CLEC20A: variants seen among roughly 807,000 people sequenced by gnomAD.
CLEC20A encodes C-type lectin domain containing 20A, also known as putative C-type lectin domain family 20 member A.
intron 7 of CLEC20A, chr1:178,481,898 C>G (rs966477902): frequency 6.5e-6 from 1 of 154,844 alleles, no homozygotes; most frequent in African/African-American, 2.4e-5. Context: ...TGGAATATAT[C>G]ATTTAATCAT....
chr1:178,498,934 G>C (rs180956031), upstream of CLEC20A, among the ~76,000 whole-genome samples: 1 of 152,212 alleles, frequency 6.6e-6, no homozygotes, highest in Non-Finnish European at 1.5e-5. Flanking sequence ...CAATGGCCTC[G>C]GATAACTTCC....
At chr1:178,493,209 C>T (rs558630620) in intron 2 of CLEC20A, among the ~76,000 whole-genome samples, 49 of 152,216 alleles carry the variant, frequency 3.2e-4, no homozygotes, top group East Asian at 9.7e-4. Context: ...CAACGCCATA[C>T]GCACACCCCT....
At chr1:178,486,419 G>A (rs1305348844) in intron 5 of CLEC20A, 3 of 398,594 alleles carry the variant, frequency 7.5e-6, no homozygotes, top group Non-Finnish European at 1.3e-5. Context: ...AATTTCCAGC[G>A]ACGCAGACAG....
In CLEC20A at chr1:178,492,723, C is replaced by T. The variant is rs144587371; in HGVS notation, c.398-157G>A. Among the ~76,000 whole-genome samples, 312 of 152,298 alleles carry T rather than the reference C, an allele frequency of 2.0e-3. 1 individual carries two copies. Among genetic ancestry groups the T allele is most frequent in the Non-Finnish European group, 3.8e-3 (261 of 68,026 alleles). On this transcript the variant is annotated intron_variant, in intron 2 of 7. Transcript: ENST00000623247. ...AATCCATTCAATAAATACTGGGCAC[C>T]TATTGTGTCGCAGATGCTATTCTAC...
Position 178,482,633 on chromosome 1 carries a change from T to C in CLEC20A, c.1037-236A>G, listed in dbSNP as rs1023786502. ...AATGCGAAGTCTTCCACAGCCTGGC[T>C]ACCCATCAGGCAATTATTTTCTTTT... On this transcript the variant is annotated intron_variant, in intron 6 of 7. Transcript: ENST00000623247. 4 of 365,534 alleles carry C rather than the reference T, an allele frequency of 1.1e-5. No individual in the cohort carries two copies. In the East Asian group the frequency reaches 1.6e-4, roughly 14 times the overall value. The allele number at this position is 365,534 out of a possible 1,614,324, so 22.6% of individuals were successfully genotyped here.
intron 5 of CLEC20A, chr1:178,486,915 G>A (rs1649160875): frequency 2.5e-6 from 1 of 397,818 alleles, no homozygotes; most frequent in Admixed American, 4.4e-5. Context: ...GGGGCTGGAG[G>A]GCCGCTGGGC....
chr1:178,495,001 G>T (rs570936312), intron 1 of CLEC20A, among the ~76,000 whole-genome samples, 191 bp from the exon 2 acceptor site: 131 of 152,312 alleles, frequency 8.6e-4, no homozygotes, highest in Middle Eastern at 6.8e-3. Context: ...TTCTTGAAGA[G>T]CCGGCCACCT....
At chr1:178,484,534 TAGCC>T (rs1338008017) in intron 5 of CLEC20A, 1 of 151,090 alleles carries the variant, frequency 6.6e-6, no homozygotes, top group African/African-American at 2.4e-5. Flanking sequence ...AAAAAAAAAT[TAGCC>T]AGGCGTGGTG....
intron 1 of CLEC20A, 45 bp downstream of exon 1, chr1:178,496,855 G>A (rs1215418416): frequency 2.5e-6 from 1 of 398,740 alleles, no homozygotes; most frequent in Non-Finnish European, 4.4e-6. Context: ...TCTAGCCCGG[G>A]GGAGCATGGA....
At chr1:178,497,232 A>G (rs904287311), upstream of CLEC20A, 18 of 355,686 alleles carry the variant, frequency 5.1e-5, no homozygotes, top group Admixed American at 3.8e-4. Context: ...CCCCAGAAGC[A>G]CAAGTTTTTC....
chr1:178,496,601 G>T (rs914026786), intron 1 of CLEC20A: 1 of 355,916 alleles, frequency 2.8e-6, no homozygotes, highest in East Asian at 4.1e-5. Context: ...CTTCTGAAGT[G>T]ACCTGCGCGG....
At chr1:178,488,545 G>A (rs181368748) in exon 5 of CLEC20A, 25 of 398,820 alleles carry the variant, frequency 6.3e-5, no homozygotes, top group African/African-American at 5.1e-4. Flanking sequence ...TTCTGTGGGG[G>A]AAGTGTGGAA....
At chr1:178,483,052 T>C in intron 6 of CLEC20A, 123 bp downstream of exon 6, 1 of 395,760 alleles carries the variant, frequency 2.5e-6, no homozygotes, top group African/African-American at 2.1e-5. Context: ...TTACTATCCC[T>C]ATTCCCAACA....
intron 5 of CLEC20A, among the ~76,000 whole-genome samples, chr1:178,487,880 G>T (rs1376451130): frequency 1.3e-5 from 2 of 152,242 alleles, no homozygotes; most frequent in African/African-American, 2.4e-5. Context: ...GGAAAACGGT[G>T]ATTTTGCCCT....
intron 1 of CLEC20A, among the ~76,000 whole-genome samples, chr1:178,495,716 G>A (rs1239558354): frequency 6.6e-6 from 1 of 152,124 alleles, no homozygotes; most frequent in African/African-American, 2.4e-5. Flanking sequence ...AGGGAGGAAG[G>A]AAAGAGAGGG....
intron 5 of CLEC20A, chr1:178,483,516 C>T: frequency 2.8e-6 from 1 of 357,922 alleles, no homozygotes; most frequent in Non-Finnish European, 5.0e-6. Context: ...CAGAAAGCCC[C>T]CCTGGCAGCA....
chr1:178,491,104 C>T (rs1334414630), intron 3 of CLEC20A, among the ~76,000 whole-genome samples: 1 of 152,202 alleles, frequency 6.6e-6, no homozygotes, highest in Non-Finnish European at 1.5e-5. Context: ...GACTGAGATG[C>T]TATCCTCCCA....
chr1:178,486,596 G>A (rs961785645), intron 5 of CLEC20A: 2 of 398,554 alleles, frequency 5.0e-6, no homozygotes, highest in Non-Finnish European at 8.8e-6. Context: ...CCTTGAGCCT[G>A]GGAGCCGAGG....
At chr1:178,486,844 G>A (rs1014100629) in intron 5 of CLEC20A, 3 of 398,372 alleles carry the variant, frequency 7.5e-6, no homozygotes, top group Middle Eastern at 6.2e-4. Flanking sequence ...TCCTTCCGCG[G>A]GAACCAAGGT....
Sources: allele counts gnomAD v4.1 joint callset (sites outside exome capture counted in the v4.1 genomes callset), GRCh38; gene constraint gnomAD v4.1.1; transcripts MANE v1.5; gene names NCBI Gene and HGNC (gene_info 2026-07-23, HGNC 2026-07-21).